The following DOP1A variants were observed in gnomAD, a reference collection of about 807,000 sequenced individuals.
DOP1A encodes DOP1 leucine zipper like protein A.
DOP1A carries 90 observed loss-of-function variants against 267.6 expected under a neutral mutation model. The ratio of observed to expected loss-of-function variants is 0.34; its 90% CI spans 0.28 to 0.40. The LOEUF is 0.40. Ranked by LOEUF, DOP1A falls within the 10% of genes least tolerant of loss-of-function variation. The probability of loss-of-function intolerance (pLI) is 1.00; values close to 1 mark genes in which losing one functional copy is unlikely to be tolerated. For synonymous variants in DOP1A, 932 were observed against 999.1 expected (o/e 0.93, Z 1.27); for missense variants, 2,437 against 2,900.4 (o/e 0.84, Z 3.67).
intron 15 of DOP1A, among the ~76,000 whole-genome samples, chr6:83,126,564 T>G (rs962854901): frequency 6.6e-6 from 1 of 152,134 alleles, no homozygotes; most frequent in Non-Finnish European, 1.5e-5. Context: ...TAATTACAGT[T>G]GTGATAAGTG....
intron 24 of DOP1A, among the ~76,000 whole-genome samples, chr6:83,143,719 G>A (rs1049490950): frequency 2.0e-5 from 3 of 151,932 alleles, no homozygotes; most frequent in Admixed American, 6.6e-5. Flanking sequence ...TTAAAGATAC[G>A]GAAAATACGA....
chr6:83,072,971 A>G, intron 1 of DOP1A: 2 of 371,126 alleles, frequency 5.4e-6, no homozygotes, highest in Middle Eastern at 3.7e-4. Flanking sequence ...AAAATAGAAC[A>G]TAGTACAGTA....
rs749279626 is a variant in DOP1A, at chr6:83,154,282, A to G, written c.6451+41A>G. The G allele has an allele frequency of 7.0e-5, 109 of 1,559,408 alleles. No individual in the cohort carries two copies. In the East Asian group the frequency reaches 9.9e-4, roughly 14 times the overall value. On this transcript the variant is annotated intron_variant, in intron 33 of 38. Transcript: ENST00000349129. ...TGACAATCCAAGTTCTTTCCTGTAC[A>G]TGGTTCCTTCTTACTATTTACTTGT... is the stretch of plus-strand genomic sequence containing the variant.
At chr6:83,150,849 A>G (rs1363076378) in intron 27 of DOP1A, among the ~76,000 whole-genome samples, 1 of 152,206 alleles carries the variant, frequency 6.6e-6, no homozygotes, top group Non-Finnish European at 1.5e-5. Flanking sequence ...TACACAAATA[A>G]TTAGTACACA....
chr6:83,137,935 C>T lies in DOP1A; in HGVS notation c.3893C>T (p.Pro1298Leu). 3 of 1,605,388 alleles carry T rather than the reference C, an allele frequency of 1.9e-6. No individual in the cohort carries two copies. Among genetic ancestry groups the T allele is most frequent in the Non-Finnish European group, 2.5e-6 (3 of 1,177,594 alleles). Residue 1298 changes from proline to leucine, a missense_variant, in exon 21 of 39, where the codon CCT (proline) becomes CTT (leucine). Physicochemically the swap from Pro to Leu is moderately conservative, Grantham distance 98. This residue lies in a region of DOP1A where 878 missense variants were observed against 992.9 expected (regional missense o/e 0.88). Transcript: ENST00000349129. ...KESGKQPGAK[P>L]KVKLARKKDD... ...TCAGGTAAACAACCAGGAGCAAAAC[C>T]TAAAGTAAAACTTGCCAGAAAAAAG...
intron 3 of DOP1A, among the ~76,000 whole-genome samples, chr6:83,098,855 C>T (rs1174861277): frequency 1.3e-5 from 2 of 152,120 alleles, no homozygotes; most frequent in Non-Finnish European, 2.9e-5. Flanking sequence ...TACTAACAGA[C>T]TAAGTGGGGG....
intron 3 of DOP1A, among the ~76,000 whole-genome samples, chr6:83,099,680 A>ATG (rs373165064): frequency 0.077 from 10,631 of 138,874 alleles, 410 homozygotes; most frequent in African/African-American, 0.11. Context: ...AGGATTGCAT[A>ATG]TGTGTGTGTG....
chr6:83,132,753 A>T (rs1445883577), intron 18 of DOP1A, among the ~76,000 whole-genome samples: 1 of 152,162 alleles, frequency 6.6e-6, no homozygotes, highest in Non-Finnish European at 1.5e-5. Context: ...AATATGTGAG[A>T]TTATATTATT....
chr6:83,097,035 G>A lies in DOP1A; in HGVS notation c.58G>A (p.Ala20Thr). 6.2e-7 allele frequency: 1 copy of A among 1,614,060 alleles called. No homozygotes were observed. ...SDSKYRNYVA[A>T]IDKALKNFEY... is the part of the protein sequence containing the mutation. ...CTCCAAATACAGAAACTATGTAGCA[G>A]CAATTGACAAAGCACTAAAGAATTT... Residue 20 changes from alanine to threonine, a missense_variant, in exon 3 of 39, where the codon GCA (alanine) becomes ACA (threonine). By Grantham distance (58) the Ala-to-Thr change is moderately conservative. This residue lies in a region of DOP1A where 251 missense variants were observed against 359.1 expected (regional missense o/e 0.70). Coordinates refer to ENST00000349129, the MANE Select transcript of DOP1A (RefSeq NM_015018.4).
At chr6:83,134,009 C>T (rs1261874905) in intron 18 of DOP1A, among the ~76,000 whole-genome samples, 178 bp from the exon 19 acceptor site, 4 of 152,004 alleles carry the variant, frequency 2.6e-5, no homozygotes, top group African/African-American at 9.7e-5. Flanking sequence ...TATATATTTA[C>T]ATATTTTCTG....
At chr6:83,083,309 T>A (rs965380225) in intron 1 of DOP1A, among the ~76,000 whole-genome samples, 2 of 152,014 alleles carry the variant, frequency 1.3e-5, no homozygotes, top group Non-Finnish European at 2.9e-5. Context: ...AGTTTTTTTT[T>A]AAGTACAATT....
At chr6:83,143,538 G>A (rs1779972233) in intron 24 of DOP1A, among the ~76,000 whole-genome samples, 1 of 152,126 alleles carries the variant, frequency 6.6e-6, no homozygotes, top group Non-Finnish European at 1.5e-5. Flanking sequence ...GTAAATAATA[G>A]TAATGTCCTT....
intron 37 of DOP1A, 145 bp from the exon 38 acceptor site, chr6:83,162,645 A>G: frequency 1.2e-6 from 1 of 830,728 alleles, no homozygotes; most frequent in Non-Finnish European, 1.8e-6. Flanking sequence ...AAACATACCC[A>G]AAGTGACAAG....
chr6:83,094,662 A>G (rs1203492274), intron 1 of DOP1A, among the ~76,000 whole-genome samples: 1 of 152,120 alleles, frequency 6.6e-6, no homozygotes, highest in Non-Finnish European at 1.5e-5. Flanking sequence ...TTACGTACTT[A>G]TTGACCATTT....
intron 1 of DOP1A, among the ~76,000 whole-genome samples, chr6:83,087,006 C>G (rs980538571): frequency 6.6e-6 from 1 of 152,040 alleles, no homozygotes; most frequent in Non-Finnish European, 1.5e-5. Flanking sequence ...ATTGAAGGAG[C>G]CTGAGCTAAT....
chr6:83,100,636 C>T, intron 3 of DOP1A, 69 bp from the exon 4 acceptor site: 1 of 1,115,660 alleles, frequency 9.0e-7, no homozygotes, highest in Non-Finnish European at 1.2e-6. Flanking sequence ...TAATACTATG[C>T]TAGAAAATGG....
At position 83,122,048 on chromosome 6, in the gene DOP1A, C is replaced by A; in HGVS notation, c.1218C>A (p.Ser406Arg). 1 of 1,608,464 alleles carries A rather than the reference C, an allele frequency of 6.2e-7. No individual in the cohort carries two copies. Among genetic ancestry groups the A allele is most frequent in the Non-Finnish European group, 8.5e-7 (1 of 1,176,884 alleles). The change falls in exon 11 of 39, where the codon AGC (serine) becomes AGA (arginine). Residue 406 changes from serine to arginine, a missense_variant and splice_region_variant. Ser to Arg is a moderately radical substitution (Grantham distance 110). Coordinates refer to ENST00000349129, the MANE Select transcript of DOP1A (RefSeq NM_015018.4). ...TCAGCAAGGATCATGCTCAGTTAAG[C>A]AGGTGGATTATCAAAAAATTAAATG... ...PPFSKDHAQL[S>R]SKLRENKKTA...
intron 24 of DOP1A, among the ~76,000 whole-genome samples, chr6:83,143,867 G>C (rs1780036034): frequency 6.6e-6 from 1 of 152,010 alleles, no homozygotes; most frequent in South Asian, 2.1e-4. Flanking sequence ...TTTCCAGATT[G>C]TGCCTACCAC....
chr6:83,127,943 A>G (rs755483343), intron 15 of DOP1A, among the ~76,000 whole-genome samples: 38 of 152,186 alleles, frequency 2.5e-4, no homozygotes, highest in Non-Finnish European at 5.1e-4. Flanking sequence ...CAGGTATCAC[A>G]TAACTAGTGA....
Sources: gnomAD v4.1 joint callset for allele counts (sites outside exome capture counted in the v4.1 genomes callset) on GRCh38, gnomAD v4.1.1 for gene constraint, gnomAD v4.1.1 regional missense constraint, MANE v1.5 for transcripts, NCBI Gene and HGNC (gene_info 2026-07-23, HGNC 2026-07-21) for gene names.